GRIK1: variants seen among roughly 807,000 people sequenced by gnomAD.
The protein encoded by GRIK1 is glutamate ionotropic receptor kainate type subunit 1, also known as glutamate receptor ionotropic, kainate 1.
A neutral mutation model predicts 105.7 loss-of-function variants in GRIK1; 69 were observed. That is an observed-to-expected ratio of 0.65 (90% CI 0.54 to 0.80). The LOEUF is 0.80. Ranked by LOEUF, GRIK1 falls within the 30% of genes least tolerant of loss-of-function variation. GRIK1 has a pLI of 0.00. For synonymous variants in GRIK1, 438 were observed against 431.3 expected, an observed-to-expected ratio of 1.02 and a Z score of -0.19; for missense variants, 1,109 against 1,167.3, an observed-to-expected ratio of 0.95 and a Z score of 0.73.
intron 16 of GRIK1, among the ~76,000 whole-genome samples, chr21:29,548,189 T>C (rs1601079740): frequency 6.6e-6 from 1 of 152,194 alleles, no homozygotes; most frequent in Middle Eastern, 3.2e-3. Context: ...GGACACACAT[T>C]GTTGTGTACT....
At chr21:29,687,853 C>T (rs939026816) in intron 3 of GRIK1, among the ~76,000 whole-genome samples, 17 of 152,180 alleles carry the variant, frequency 1.1e-4, no homozygotes, top group African/African-American at 3.9e-4. Context: ...TAAATTAAAT[C>T]CACGAGTTTC....
chr21:29,938,429 T>C (rs1017379622), intron 1 of GRIK1, among the ~76,000 whole-genome samples: 1 of 152,162 alleles, frequency 6.6e-6, no homozygotes, highest in African/African-American at 2.4e-5. Flanking sequence ...GAACAATAAC[T>C]GGGTTTAGTT....
At chr21:29,613,816 C>T (rs1383885857) in intron 7 of GRIK1, among the ~76,000 whole-genome samples, 1 of 152,128 alleles carries the variant, frequency 6.6e-6, no homozygotes, top group Non-Finnish European at 1.5e-5. Context: ...TGTTGAAATG[C>T]TCTCATCATA....
At chr21:29,624,872 T>C (rs1213799817) in intron 7 of GRIK1, among the ~76,000 whole-genome samples, 1 of 152,224 alleles carries the variant, frequency 6.6e-6, no homozygotes, top group African/African-American at 2.4e-5. Flanking sequence ...GCAAGACCCA[T>C]CCACTCTCCA....
At chr21:29,674,085 T>C (rs2063215359) in intron 3 of GRIK1, among the ~76,000 whole-genome samples, 1 of 151,932 alleles carries the variant, frequency 6.6e-6, no homozygotes, top group African/African-American at 2.4e-5. Flanking sequence ...TTGTTTTTTT[T>C]TTTTAGTATG....
At chr21:29,919,718 T>C (rs2071127300) in intron 1 of GRIK1, among the ~76,000 whole-genome samples, 2 of 152,164 alleles carry the variant, frequency 1.3e-5, no homozygotes, top group South Asian at 2.1e-4. Flanking sequence ...ATTAAAACCA[T>C]ATTTTTAAAT....
At chr21:29,867,935 AAAGAG>A (rs1569174604) in intron 1 of GRIK1, among the ~76,000 whole-genome samples, 4 of 127,920 alleles carry the variant, frequency 3.1e-5, no homozygotes, top group East Asian at 4.5e-4. Flanking sequence ...AAAGAGAGAG[AAAGAG>A]AGAGAGAAAG....
chr21:29,560,367 TCCTTCCTTCCTTCCTTCCTTC>T (rs1568813689), intron 15 of GRIK1, among the ~76,000 whole-genome samples: 61 of 27,920 alleles, frequency 2.2e-3, no homozygotes, highest in African/African-American at 7.8e-3. Context: ...TTTTCTTTCT[TCCTTCCTTCCTTCCTTCCTTC>T]CTTCCTTCCT....
At chr21:29,830,363 TC>T (rs2067598054) in intron 1 of GRIK1, among the ~76,000 whole-genome samples, 1 of 45,562 alleles carries the variant, frequency 2.2e-5, no homozygotes, top group African/African-American at 5.3e-5. Flanking sequence ...ACACACACAC[TC>T]ACACACATAT....
intron 7 of GRIK1, among the ~76,000 whole-genome samples, chr21:29,631,121 T>G (rs1301242351): frequency 6.6e-6 from 1 of 152,126 alleles, no homozygotes; most frequent in African/African-American, 2.4e-5. Context: ...TCGTGGTAAG[T>G]TTTTATGCAG....
intron 14 of GRIK1, among the ~76,000 whole-genome samples, chr21:29,574,757 G>A (rs1217040773): frequency 2.1e-5 from 3 of 144,576 alleles, no homozygotes; most frequent in South Asian, 2.1e-4. Context: ...GCGCAATCTC[G>A]GCTCACTGCA....
chr21:29,773,190 T>C (rs551356006), intron 1 of GRIK1, among the ~76,000 whole-genome samples: 1 of 152,356 alleles, frequency 6.6e-6, no homozygotes, highest in South Asian at 2.1e-4. Flanking sequence ...AACAGGGCTC[T>C]CGTCTGCTTT....
At chr21:29,754,944 C>T (rs2065297976) in intron 1 of GRIK1, among the ~76,000 whole-genome samples, 2 of 152,098 alleles carry the variant, frequency 1.3e-5, no homozygotes, top group African/African-American at 4.8e-5. Flanking sequence ...TGTACTCTAT[C>T]TATATATCTA....
intron 1 of GRIK1, among the ~76,000 whole-genome samples, chr21:29,758,166 C>T (rs766829215): frequency 3.3e-5 from 5 of 152,200 alleles, no homozygotes; most frequent in African/African-American, 4.8e-5. Context: ...AATATAGTCT[C>T]ATTGCATGCC....
intron 1 of GRIK1, among the ~76,000 whole-genome samples, chr21:29,781,959 C>T (rs1031376399): frequency 1.3e-4 from 19 of 151,890 alleles, no homozygotes; most frequent in African/African-American, 3.6e-4. Context: ...CGTGAGCCAC[C>T]GCGCCCGGCC....
rs79407084 is a variant in GRIK1, at chr21:29,807,060, C to T, written c.119-112997G>A. ...ACAGGTCTCAATCCTCCCAGCCTTC[C>T]GGCTCTTGAGGGCATTTCAGCAGGG... On this transcript the variant is annotated intron_variant, in intron 1 of 17. Coordinates refer to ENST00000327783, the MANE Select transcript of GRIK1 (RefSeq NM_001330994.2). Among the ~76,000 whole-genome samples the T allele has an allele frequency of 9.4e-3, 1,428 of 152,266 alleles. 21 individuals carry two copies. The highest frequency in any genetic ancestry group is 0.032 in the African/African-American group (1,333 of 41,566).
At chr21:29,865,984 G>C (rs61324044) in intron 1 of GRIK1, among the ~76,000 whole-genome samples, 3,737 of 152,258 alleles carry the variant, frequency 0.025, 168 homozygotes, top group African/African-American at 0.086. Flanking sequence ...CTGGACAGTG[G>C]TCATTTAGAA....
At chr21:29,672,946 T>G (rs754121145) in intron 4 of GRIK1, 37 bp downstream of exon 4, 2 of 1,479,822 alleles carry the variant, frequency 1.4e-6, no homozygotes, top group Non-Finnish European at 1.8e-6. Context: ...AAAATAACAT[T>G]TATCCCACAC....
rs2090209203 is a variant in GRIK1 at position 29,554,906 on chromosome 21, A to G, written c.2607+146T>C. 9.5e-6 allele frequency: 6 copies of G among 634,058 alleles called. No individual in the cohort carries two copies. In the South Asian group the frequency reaches 1.3e-4, roughly 13 times the overall value. 39.3% of individuals were successfully genotyped at this position (634,058 alleles called of 1,614,324 possible). A position where few individuals can be genotyped will look rare whatever the true frequency, so the allele number is the denominator to read the frequency against. ...TGCCCACAGCACCTGGCAGGGATTC[A>G]ATAGCTCTCTGCTCTAACTCAAAAA... On this transcript the variant is annotated intron_variant, in intron 16 of 17. Transcript: ENST00000327783.
Sources: allele counts gnomAD v4.1 joint callset (sites outside exome capture counted in the v4.1 genomes callset), GRCh38; gene constraint gnomAD v4.1.1; transcripts MANE v1.5; gene names NCBI Gene and HGNC (gene_info 2026-07-23, HGNC 2026-07-21).